The following MROH1 variants were observed in gnomAD, a reference collection of about 807,000 sequenced individuals.
The protein encoded by MROH1 is maestro heat-like repeat-containing protein family member 1.
A neutral mutation model predicts 116.5 loss-of-function variants in MROH1; 117 were observed. The observed-to-expected ratio is 1.00, with a 90% confidence interval of 0.86 to 1.17. MROH1 has a LOEUF of 1.17. Ranked by LOEUF, MROH1 falls within the 50% of genes most tolerant of loss-of-function variation. The pLI is 0.00. For missense variants in MROH1, 1,873 were observed against 1,338.5 expected, an observed-to-expected ratio of 1.40 and a Z score of -6.23; for synonymous variants, 921 against 583.9, an observed-to-expected ratio of 1.58 and a Z score of -8.32.
At chr8:144,245,805 G>A (rs1841783808) in intron 29 of MROH1, among the ~76,000 whole-genome samples, 1 of 151,970 alleles carries the variant, frequency 6.6e-6, no homozygotes, top group African/African-American at 2.4e-5. Flanking sequence ...GACTACAGGT[G>A]CATGCCACCA....
chr8:144,234,044 C>G (rs1231030036), intron 14 of MROH1, among the ~76,000 whole-genome samples: 1 of 152,192 alleles, frequency 6.6e-6, no homozygotes, highest in Non-Finnish European at 1.5e-5. Flanking sequence ...GAGTCTTGCT[C>G]TGTCGCCCAG....
At chr8:144,151,979 C>G (rs1201442532) in intron 1 of MROH1, among the ~76,000 whole-genome samples, 1 of 152,246 alleles carries the variant, frequency 6.6e-6, no homozygotes, top group Non-Finnish European at 1.5e-5. Flanking sequence ...GGCGATCTCT[C>G]TCTCTTCTGA....
intron 24 of MROH1, 142 bp downstream of exon 24, chr8:144,242,770 C>T (rs1343768369): frequency 1.5e-5 from 10 of 674,114 alleles, no homozygotes; most frequent in African/African-American, 3.6e-5. Context: ...AGGAGGCGTT[C>T]GAGAGCATCA....
intron 10 of MROH1, among the ~76,000 whole-genome samples, chr8:144,198,715 G>T (rs963849042): frequency 6.6e-6 from 1 of 152,192 alleles, no homozygotes; most frequent in Non-Finnish European, 1.5e-5. Flanking sequence ...CCTGGGTCCT[G>T]GGCCTCATGC....
Position 144,244,223 on chromosome 8 carries a change from T to A in MROH1, c.2557T>A (p.Ser853Thr). Reference sequence around the variant, plus strand: ...TGGGGCCCTTAACTTGCCTCTCAGCTCCGTGGAGCCAGCGCTGGACGAGCA... The same window carrying A: ...TGGGGCCCTTAACTTGCCTCTCAGCACCGTGGAGCCAGCGCTGGACGAGCA... ...KAMLTCTYLV[S>T]VEPALDEQAR... Residue 853 changes from serine to threonine, a missense_variant and splice_region_variant, in exon 27 of 44, where the codon TCC (serine) becomes ACC (threonine). Coordinates refer to ENST00000326134, the MANE Select transcript of MROH1 (RefSeq NM_032450.3). The A allele has an allele frequency of 1.4e-6, 1 of 717,664 alleles. No individual in the cohort carries two copies. Among genetic ancestry groups the A allele is most frequent in the Non-Finnish European group, 2.6e-6 (1 of 384,914 alleles). The allele number at this position is 717,664 out of a possible 1,614,324, so 44.5% of individuals were successfully genotyped here. A position where few individuals can be genotyped will look rare whatever the true frequency, so the allele number is the denominator to read the frequency against.
rs146268993 is a variant in MROH1 at position 144,219,311 on chromosome 8, C to T, written c.1142-1289C>T. 2.1e-3 allele frequency among the ~76,000 whole-genome samples: 312 copies of T among 152,156 alleles called. 1 individual carries two copies. Among genetic ancestry groups the T allele is most frequent in the Non-Finnish European group, 3.3e-3 (221 of 67,996 alleles). Reference sequence around the variant, plus strand: ...TGCTGGGATTACAGGCGTGAGCCACCGCGCCCGACCAATTTTTGTATTTTT... The same window carrying T: ...TGCTGGGATTACAGGCGTGAGCCACTGCGCCCGACCAATTTTTGTATTTTT... On this transcript the variant is annotated intron_variant, in intron 12 of 43. Transcript: ENST00000326134.
At chr8:144,253,839 C>T (rs1843237113) in intron 33 of MROH1, among the ~76,000 whole-genome samples, 1 of 152,064 alleles carries the variant, frequency 6.6e-6, no homozygotes, top group African/African-American at 2.4e-5. Flanking sequence ...CTGTTTCTGG[C>T]TTCTGTCGTT....
At chr8:144,207,886 T>C (rs1478186600) in intron 12 of MROH1, among the ~76,000 whole-genome samples, 1 of 152,208 alleles carries the variant, frequency 6.6e-6, no homozygotes, top group Non-Finnish European at 1.5e-5. Flanking sequence ...GTGATTCATC[T>C]TTTACTAATG....
intron 7 of MROH1, among the ~76,000 whole-genome samples, chr8:144,189,332 G>T (rs143566273): frequency 5.9e-5 from 9 of 152,130 alleles, no homozygotes; most frequent in Non-Finnish European, 1.2e-4. Flanking sequence ...CAGTTTCTGC[G>T]TCTCCGCCTG....
chr8:144,180,548 T>C lies in MROH1; in HGVS notation c.562+25T>C, dbSNP rs1825342395. 6.3e-7 allele frequency: 1 copy of C among 1,599,570 alleles called. No homozygotes were observed. Among genetic ancestry groups the C allele is most frequent in the Non-Finnish European group, 8.5e-7 (1 of 1,174,844 alleles). ...GGTAAGAGGCGGCCTCGTCACCTTC[T>C]GTCTCAAGTGCCCCTTTGTGGGGGG... On this transcript the variant is annotated intron_variant, in intron 7 of 43. Coordinates refer to ENST00000326134, the MANE Select transcript of MROH1 (RefSeq NM_032450.3). The surrounding 1 kb of genome is among the most constrained non-coding windows in gnomAD (Gnocchi z 7.4).
At chr8:144,198,163 A>G (rs1342231781) in intron 10 of MROH1, among the ~76,000 whole-genome samples, 1 of 151,902 alleles carries the variant, frequency 6.6e-6, no homozygotes, top group African/African-American at 2.4e-5. Context: ...TTCTCTAGGA[A>G]CCCAGGTTGG....
At chr8:144,178,533 T>TGTTGAGATTACAGGCTC (rs1824698497) in intron 4 of MROH1, among the ~76,000 whole-genome samples, 1 of 151,842 alleles carries the variant, frequency 6.6e-6, no homozygotes, top group African/African-American at 2.4e-5. Context: ...CCTCCCTAAG[T>TGTTGAGATTACAGGCTC]GTTGAGATTA....
chr8:144,216,256 C>T (rs996453279), intron 12 of MROH1, among the ~76,000 whole-genome samples: 8 of 151,838 alleles, frequency 5.3e-5, no homozygotes, highest in South Asian at 2.1e-4. Context: ...GGGCAGATCA[C>T]GAGGTCAGGA....
At chr8:144,168,051 G>C (rs1177544674) in intron 3 of MROH1, among the ~76,000 whole-genome samples, 5 of 152,184 alleles carry the variant, frequency 3.3e-5, no homozygotes, top group African/African-American at 9.7e-5. Context: ...TGGCCAGGCA[G>C]CTCCTCAGGG....
chr8:144,195,204 A>AAAAAAAAAAAAAAAAAAAAG, intron 10 of MROH1, among the ~76,000 whole-genome samples: 1 of 132,194 alleles, frequency 7.6e-6, no homozygotes, highest in Non-Finnish European at 1.6e-5. Flanking sequence ...TTAAAAAAAA[A>AAAAAAAAAAAAAAAAAAAAG]AAAAAAAAAA....
intron 33 of MROH1, chr8:144,254,570 C>G (rs1843367928): frequency 5.7e-6 from 3 of 523,368 alleles, no homozygotes; most frequent in Non-Finnish European, 1.0e-5. Context: ...GCCCTGGGCC[C>G]TGTGTGTATA....
chr8:144,257,648 TG>T (rs2129827745), intron 35 of MROH1, among the ~76,000 whole-genome samples: 1 of 152,292 alleles, frequency 6.6e-6, no homozygotes, highest in Admixed American at 6.5e-5. Context: ...GAGTAGGGCC[TG>T]GCCCCCAGCT....
chr8:144,241,277 T>C, intron 21 of MROH1, 118 bp from the exon 22 acceptor site: 1 of 694,520 alleles, frequency 1.4e-6, no homozygotes, highest in East Asian at 2.7e-5. Context: ...TGTTGATGTG[T>C]GTGCAAGTGT....
At chr8:144,209,478 G>A (rs1337649674) in intron 12 of MROH1, among the ~76,000 whole-genome samples, 1 of 151,630 alleles carries the variant, frequency 6.6e-6, no homozygotes, top group Non-Finnish European at 1.5e-5. Context: ...TACTTGGGAG[G>A]CTGAGGCAGA....
Sources: gnomAD v4.1 joint callset for allele counts (sites outside exome capture counted in the v4.1 genomes callset) on GRCh38, gnomAD v4.1.1 for gene constraint, Gnocchi (gnomAD v3.1) non-coding constraint, MANE v1.5 for transcripts, NCBI Gene and HGNC (gene_info 2026-07-23, HGNC 2026-07-21) for gene names.